Variants in TTC7B observed in about 807,000 individuals in gnomAD.
TTC7B encodes the protein tetratricopeptide repeat protein 7B.
In TTC7B, 28 loss-of-function variants were observed where a neutral mutation model predicts 106.8. The observed-to-expected ratio is 0.26, with a 90% confidence interval of 0.19 to 0.36. The LOEUF (loss-of-function observed/expected upper bound fraction) is 0.36. TTC7B is among the 10% of genes least tolerant of loss of function. TTC7B has a pLI of 1.00. For synonymous variants in TTC7B, 405 were observed against 430.6 expected (o/e 0.94, Z 0.74); for missense variants, 862 against 1,076.4 (o/e 0.80, Z 2.79).
rs1312653208 is a variant in TTC7B at position 90,742,945 on chromosome 14, G to T, written c.576+1847C>A. ...AGTGGAGAGTAAGCAGCAAGATAGG[G>T]CCCTAAGTGGCCAGGGCTGTGTAGT... On this transcript the variant is annotated intron_variant, in intron 4 of 19. Coordinates refer to ENST00000328459, the MANE Select transcript of TTC7B (RefSeq NM_001010854.2). The surrounding 1 kb of genome is among the most constrained non-coding windows in gnomAD (Gnocchi z 4.1). 6.6e-6 allele frequency among the ~76,000 whole-genome samples: 1 copy of T among 152,204 alleles called. No homozygotes were observed. The highest frequency in any genetic ancestry group is 1.5e-5 in the Non-Finnish European group (1 of 68,026).
chr14:90,601,052 C>G (rs1463733460), intron 17 of TTC7B, among the ~76,000 whole-genome samples: 1 of 152,152 alleles, frequency 6.6e-6, no homozygotes, highest in Non-Finnish European at 1.5e-5. Context: ...CTGAGTGCCA[C>G]TTACTGTTGG....
At chr14:90,545,838 C>T (rs535421747) in intron 19 of TTC7B, among the ~76,000 whole-genome samples, 11 of 152,364 alleles carry the variant, frequency 7.2e-5, no homozygotes, top group African/African-American at 2.4e-4. Flanking sequence ...GTGTTGGCCA[C>T]TAAGAGCCTC....
chr14:90,602,702 GA>G lies in TTC7B; in HGVS notation c.1966+8039del, dbSNP rs77011716. Among the ~76,000 whole-genome samples the G allele has an allele frequency of 9.8e-3, 1,216 of 124,622 alleles. 13 individuals carry two copies. The highest frequency in any genetic ancestry group is 0.031 in the African/African-American group (1,065 of 33,880). The allele number at this position is 124,622 out of a possible 152,430, so 81.8% of individuals were successfully genotyped here. A position where few individuals can be genotyped will look rare whatever the true frequency, so the allele number is the denominator to read the frequency against. ...ATCTACTAAGACCTTGTCTCAAAAA[GA>G]AAAAAAAAAAAAGCACTGATCCTAC... On this transcript the variant is annotated intron_variant, in intron 17 of 19. Transcript: ENST00000328459.
chr14:90,806,941 T>A (rs1308704831), intron 1 of TTC7B, among the ~76,000 whole-genome samples: 2 of 152,032 alleles, frequency 1.3e-5, no homozygotes, highest in Non-Finnish European at 2.9e-5. Context: ...AGAAGTTAAG[T>A]CACTCACTCA....
chr14:90,724,571 C>T (rs1346445789), intron 5 of TTC7B, among the ~76,000 whole-genome samples: 1 of 152,132 alleles, frequency 6.6e-6, no homozygotes, highest in Admixed American at 6.5e-5. Flanking sequence ...CACCCTGCCT[C>T]GCCCTCACTC....
Position 90,616,562 on chromosome 14 carries a change from A to C in TTC7B, c.1868+1367T>G, listed in dbSNP as rs368150364. On this transcript the variant is annotated intron_variant, in intron 16 of 19. Coordinates refer to ENST00000328459, the MANE Select transcript of TTC7B (RefSeq NM_001010854.2). The stretch of plus-strand genomic sequence containing the variant: ...TGGCGGTGGGCAGGGCAGGGGCTGG[A>C]CAGCTCATGGCTTTCCAGGCAGAGC... Among the ~76,000 whole-genome samples the C allele has an allele frequency of 5.7e-3, 862 of 152,178 alleles. 6 individuals carry two copies. The highest frequency in any genetic ancestry group is 0.018 in the African/African-American group (756 of 41,534).
chr14:90,631,230 C>T (rs997577820), intron 15 of TTC7B, among the ~76,000 whole-genome samples: 12 of 152,132 alleles, frequency 7.9e-5, no homozygotes, highest in African/African-American at 2.9e-4. Flanking sequence ...TTGGCTTGTT[C>T]CCACCTTTTG....
At chr14:90,710,929 A>G (rs944487379) in intron 5 of TTC7B, among the ~76,000 whole-genome samples, 12 of 151,774 alleles carry the variant, frequency 7.9e-5, no homozygotes, top group African/African-American at 2.9e-4. Context: ...TCTCTGAGGT[A>G]GGTATTCAAA....
chr14:90,634,209 C>A (rs192053887), intron 15 of TTC7B, among the ~76,000 whole-genome samples: 195 of 152,076 alleles, frequency 1.3e-3, no homozygotes, highest in African/African-American at 4.1e-3. Flanking sequence ...TACAGTGTGT[C>A]GAGATAATTA....
intron 16 of TTC7B, among the ~76,000 whole-genome samples, chr14:90,611,756 G>C (rs566822088): frequency 1.3e-5 from 2 of 152,326 alleles, no homozygotes; most frequent in East Asian, 1.9e-4. Context: ...AACAGGGAGA[G>C]AAACTGTTAA....
In TTC7B at chr14:90,573,551, C is replaced by T. The variant is rs534471636; in HGVS notation, c.2310+4555G>A. ...TCTCTCTCAGCTCACGGTCCCTCTC[C>T]GGCTCACGGTCCCTCTCCGGCTCAC... On this transcript the variant is annotated intron_variant, in intron 19 of 19. Transcript: ENST00000328459. Among the ~76,000 whole-genome samples, 550 of 100,334 alleles carry T rather than the reference C, an allele frequency of 5.5e-3. 19 individuals carry two copies. Among genetic ancestry groups the T allele is most frequent in the African/African-American group, 0.023 (524 of 22,980 alleles). The allele number at this position is 100,334 out of a possible 152,430, so 65.8% of individuals were successfully genotyped here. A position where few individuals can be genotyped will look rare whatever the true frequency, so the allele number is the denominator to read the frequency against.
intron 13 of TTC7B, among the ~76,000 whole-genome samples, chr14:90,652,020 A>G (rs765011873): frequency 6.6e-6 from 1 of 152,242 alleles, no homozygotes; most frequent in Non-Finnish European, 1.5e-5. Context: ...ATTTCACATC[A>G]TGGGGCTATG....
chr14:90,569,977 G>A (rs539204300), intron 19 of TTC7B: 1 of 152,392 alleles, frequency 6.6e-6, no homozygotes, highest in East Asian at 1.9e-4. Flanking sequence ...TGACAAGGAA[G>A]AGTATGCCTG....
At chr14:90,728,337 CAAAAAAAAAAAA>C (rs35504744) in intron 5 of TTC7B, among the ~76,000 whole-genome samples, 6 of 40,036 alleles carry the variant, frequency 1.5e-4, no homozygotes, top group Admixed American at 4.4e-4. Context: ...GTCCCCCCCG[CAAAAAAAAAAAA>C]AAAAAAAAAA....
chr14:90,543,684 G>C (rs1889697180), intron 19 of TTC7B, among the ~76,000 whole-genome samples: 1 of 152,218 alleles, frequency 6.6e-6, no homozygotes, highest in African/African-American at 2.4e-5. Context: ...CTCTTGGAGA[G>C]TGTGGAGAAG....
At chr14:90,584,761 T>C (rs1022586628) in intron 18 of TTC7B, among the ~76,000 whole-genome samples, 6 of 151,944 alleles carry the variant, frequency 3.9e-5, no homozygotes, top group Non-Finnish European at 8.8e-5. Flanking sequence ...CCAAACCATG[T>C]CCTTTACCCC....
chr14:90,618,627 G>A (rs1893184629), intron 15 of TTC7B, among the ~76,000 whole-genome samples: 1 of 152,118 alleles, frequency 6.6e-6, no homozygotes, highest in South Asian at 2.1e-4. Flanking sequence ...CTGTATTTTT[G>A]TTACCATCAA....
chr14:90,603,195 G>A (rs186758166), intron 17 of TTC7B: 2 of 1,109,330 alleles, frequency 1.8e-6, no homozygotes, highest in South Asian at 2.6e-5. Context: ...ATTCCGTGGT[G>A]GGGGGAGTGT....
chr14:90,816,068 C>T, intron 1 of TTC7B, 107 bp downstream of exon 1: 1 of 977,690 alleles, frequency 1.0e-6, no homozygotes, highest in Non-Finnish European at 1.2e-6. Flanking sequence ...CCCTCGCGGC[C>T]CGGCCGCGCC....
Sources: allele counts gnomAD v4.1 joint callset (sites outside exome capture counted in the v4.1 genomes callset), GRCh38; gene constraint gnomAD v4.1.1; non-coding constraint Gnocchi (gnomAD v3.1); transcripts MANE v1.5; gene names NCBI Gene and HGNC (gene_info 2026-07-23, HGNC 2026-07-21).